The following RGS14 variants were observed in gnomAD, a reference collection of about 807,000 sequenced individuals.
RGS14 encodes regulator of G-protein signaling 14.
RGS14 carries 33 observed loss-of-function variants against 63.8 expected under a neutral mutation model. The ratio of observed to expected loss-of-function variants is 0.52; its 90% CI spans 0.39 to 0.69. RGS14 has a LOEUF of 0.69. RGS14 is among the 30% of genes least tolerant of loss of function. RGS14 has a pLI of 0.00. For synonymous variants in RGS14, 296 were observed against 320.9 expected, an observed-to-expected ratio of 0.92 and a Z score of 0.83; for missense variants, 739 against 742.9, an observed-to-expected ratio of 0.99 and a Z score of 0.06.
Position 177,371,520 on chromosome 5 carries a change from G to C in RGS14, c.1429G>C (p.Ala477Pro), listed in dbSNP as rs1482378582. ...TQDKATHPPP[A>P]SPSSLVKVPS... ...GGATAAGGCCACCCATCCCCCTCCA[G>C]CGTCCCCCAGTTCTCTGGTGAAGGT... The change falls in exon 14 of 15, where the codon GCG becomes CCG. Residue 477 changes from alanine to proline, a missense_variant. Ala to Pro is a conservative substitution (Grantham distance 27). Transcript: ENST00000408923. This position sits in a 1 kb window ranked among gnomAD's most constrained non-coding sequence, Gnocchi z 6.1. The C allele has an allele frequency of 3.1e-6, 5 of 1,613,956 alleles. No homozygotes were observed. The highest frequency in any genetic ancestry group is 1.7e-5 in the Admixed American group (1 of 59,988).
Position 177,366,916 on chromosome 5 carries a change from A to G in RGS14, c.365A>G (p.Tyr122Cys). 6.2e-7 allele frequency: 1 copy of G among 1,613,774 alleles called. No individual in the cohort carries two copies. The highest frequency in any genetic ancestry group is 8.5e-7 in the Non-Finnish European group (1 of 1,179,844). ...QQLAQEARNI[Y>C]QEFLSSQALS... ...CTAGCTCAGGAGGCCCGCAACATCTACCAGGAGTTCCTGTCCAGCCAGGCG... is the reference window on the plus strand; with the variant it reads ...CTAGCTCAGGAGGCCCGCAACATCTGCCAGGAGTTCCTGTCCAGCCAGGCG... Residue 122 changes from tyrosine (Y) to cysteine (C), a missense_variant, in exon 5 of 15, where the codon TAC (tyrosine) becomes TGC (cysteine). By Grantham distance (194) the Tyr-to-Cys change is radical. Transcript: ENST00000408923.
chr5:177,366,935 C>T lies in RGS14; in HGVS notation c.384C>T (p.Ser128=). ...ACATCTACCAGGAGTTCCTGTCCAG[C>T]CAGGCGCTGAGCCCAGTGAACATCG... ...ARNIYQEFLS[S]QALSPVNIDR... Residue 128 remains serine (S), a synonymous_variant, in exon 5 of 15, where the codon AGC becomes AGT. Transcript: ENST00000408923. 6.2e-7 allele frequency: 1 copy of T among 1,613,996 alleles called. No individual in the cohort carries two copies. The highest frequency in any genetic ancestry group is 8.5e-7 in the Non-Finnish European group (1 of 1,179,932).
At position 177,366,722 on chromosome 5, in the gene RGS14, GGA is replaced by G. The variant is rs774203874; in HGVS notation, c.263_264del (p.Glu88ValfsTer117). 1 of 1,614,158 alleles carries G rather than the reference GGA, an allele frequency of 6.2e-7. No homozygotes were observed. Among genetic ancestry groups the G allele is most frequent in the Non-Finnish European group, 8.5e-7 (1 of 1,180,024 alleles). Reference sequence around the variant, plus strand: ...TCCCCTCCCAGGAGTTCCTGAAGAAGGAGTTCAGCGCGGAAAACGTGACTTTC... The same window carrying G: ...TCCCCTCCCAGGAGTTCCTGAAGAAGGTTCAGCGCGGAAAACGTGACTTTC... ...LAYFTEFLKKEFSAENVTFWK... is the reference protein window; with the variant it reads ...LAYFTEFLKKXFSAENVTFWK... On this transcript the variant is annotated frameshift_variant, in exon 4 of 15. Transcript: ENST00000408923. LOFTEE classifies it high-confidence loss of function.
At chr5:177,369,545 G>A (rs1345584134) in intron 9 of RGS14, among the ~76,000 whole-genome samples, 1 of 152,214 alleles carries the variant, frequency 6.6e-6, no homozygotes, top group Non-Finnish European at 1.5e-5. Context: ...CAAGCAGGGA[G>A]TGATCAGGGA....
rs1762235132 is a variant in RGS14, at chr5:177,371,053, CG to C, written c.1254+26del. 9.6e-7 allele frequency: 1 copy of C among 1,040,292 alleles called. No individual in the cohort carries two copies. The highest frequency in any genetic ancestry group is 1.2e-6 in the Non-Finnish European group (1 of 853,744). 64.4% of individuals were successfully genotyped at this position (1,040,292 alleles called of 1,614,324 possible). ...CCGGGTGAGCTTCCGGGCCGCGGGG[CG>C]GGGCGGGGCGGGGCCGGGCCGGGGC... On this transcript the variant is annotated intron_variant, in intron 11 of 14. Transcript: ENST00000408923. This position sits in a 1 kb window ranked among gnomAD's most constrained non-coding sequence, Gnocchi z 6.1.
intron 9 of RGS14, among the ~76,000 whole-genome samples, chr5:177,369,517 C>T (rs530523052): frequency 6.6e-6 from 1 of 152,236 alleles, no homozygotes; most frequent in South Asian, 2.1e-4. Context: ...CCTCCTGGCC[C>T]ACAGGCTGAA....
At position 177,372,430 on chromosome 5, in the gene RGS14, C is replaced by T. The variant is rs1762296343; in HGVS notation, c.*355C>T. ...ACAGGGGCAAGAGGAGGGGCCGGCC[C>T]CTCCTCAGGAAGCTGGTATGAGTAA... On this transcript the variant is annotated 3_prime_UTR_variant, in exon 15 of 15. Coordinates refer to ENST00000408923, the MANE Select transcript of RGS14 (RefSeq NM_006480.5). 1.2e-5 allele frequency: 3 copies of T among 258,294 alleles called. No individual in the cohort carries two copies. The highest frequency in any genetic ancestry group is 2.2e-5 in the African/African-American group (1 of 44,940). 16.0% of individuals were successfully genotyped at this position (258,294 alleles called of 1,614,324 possible). A position where few individuals can be genotyped will look rare whatever the true frequency, so the allele number is the denominator to read the frequency against.
rs779557802 is a variant in RGS14, at chr5:177,370,879, C to T, written c.1128-26C>T. The T allele has an allele frequency of 4.2e-5, 67 of 1,586,956 alleles. No individual in the cohort carries two copies. In the African/African-American group the frequency reaches 8.7e-4, roughly 21 times the overall value. The stretch of plus-strand genomic sequence containing the variant: ...TTGGCGGGGGGCCGGCCCTCCGGCC[C>T]TCTGCTGCCCGAGGGTTCCTCGCAG... On this transcript the variant is annotated intron_variant, in intron 10 of 14. Coordinates refer to ENST00000408923, the MANE Select transcript of RGS14 (RefSeq NM_006480.5).
rs1484516268 is a variant in RGS14, at chr5:177,371,593, CA to C, written c.1498+5del. On this transcript the variant is annotated splice_donor_5th_base_variant and intron_variant, in intron 14 of 14. Coordinates refer to ENST00000408923, the MANE Select transcript of RGS14 (RefSeq NM_006480.5). The surrounding 1 kb of genome is among the most constrained non-coding windows in gnomAD (Gnocchi z 6.1). Reference sequence around the variant, plus strand: ...CGGCAGACCTGTGACATCGAAGGTACATGGTGGATGAGCTGGGGATCAGAAA... The same window carrying C: ...CGGCAGACCTGTGACATCGAAGGTACTGGTGGATGAGCTGGGGATCAGAAA... The C allele has an allele frequency of 6.2e-6, 10 of 1,611,486 alleles. No individual in the cohort carries two copies. Among genetic ancestry groups the C allele is most frequent in the Non-Finnish European group, 8.5e-6 (10 of 1,177,638 alleles).
rs767080128 is a variant in RGS14, at chr5:177,368,929, G to A, written c.1053+9G>A. 32 of 1,613,346 alleles carry A rather than the reference G, an allele frequency of 2.0e-5. No individual in the cohort carries two copies. The highest frequency in any genetic ancestry group is 1.3e-4 in the South Asian group (12 of 91,064). ...TGGTGGGCAATGAACAGGTGGGAAC[G>A]TGACCTGGCTCCAACTCTAACCTCC... is the stretch of plus-strand genomic sequence containing the variant. On this transcript the variant is annotated intron_variant, in intron 9 of 14. Coordinates refer to ENST00000408923, the MANE Select transcript of RGS14 (RefSeq NM_006480.5).
intron 1 of RGS14, 51 bp from the exon 2 acceptor site, chr5:177,365,912 C>G (rs769270593): frequency 2.1e-5 from 34 of 1,603,490 alleles, no homozygotes; most frequent in Middle Eastern, 1.7e-4. Flanking sequence ...GAACTGTCCC[C>G]TGGGAATCCT....
In RGS14 at chr5:177,370,710, C is replaced by T. The variant is rs775105804; in HGVS notation, c.1127+46C>T. ...TCTGGGTCCCAGGTCCTGACGCTCCCTTCAGGCCCTGTTCTAGCTACCTGG... is the reference window on the plus strand; with the variant it reads ...TCTGGGTCCCAGGTCCTGACGCTCCTTTCAGGCCCTGTTCTAGCTACCTGG... On this transcript the variant is annotated intron_variant, in intron 10 of 14. Transcript: ENST00000408923. 3.8e-5 allele frequency: 61 copies of T among 1,600,262 alleles called. 1 individual carries two copies. The South Asian group carries it at 5.8e-4, about 15-fold the overall frequency.
rs146353124 is a variant in RGS14, at chr5:177,359,421, G to C, written c.45+1352G>C. On this transcript the variant is annotated intron_variant, in intron 1 of 14. Coordinates refer to ENST00000408923, the MANE Select transcript of RGS14 (RefSeq NM_006480.5). The surrounding 1 kb of genome is among the most constrained non-coding windows in gnomAD (Gnocchi z 4.4). ...GCGACCGGGCCAGGAAGCCAAGGAG[G>C]CTAACCCCAGGCCCACCCTGGGAGG... is the stretch of plus-strand genomic sequence containing the variant. Among the ~76,000 whole-genome samples the C allele has an allele frequency of 1.1e-3, 173 of 152,322 alleles. 3 individuals are homozygous for C. Among genetic ancestry groups the C allele is most frequent in the African/African-American group, 4.0e-3 (167 of 41,566 alleles).
At chr5:177,366,594 C>T in intron 3 of RGS14, 114 bp from the exon 4 acceptor site, 1 of 974,462 alleles carries the variant, frequency 1.0e-6, no homozygotes, top group South Asian at 1.4e-5. Flanking sequence ...CTGGCCCTGT[C>T]TGTCTGGCTT....
At position 177,358,063 on chromosome 5, in the gene RGS14, G is replaced by A. The variant is rs1168691579; in HGVS notation, c.39G>A (p.Gly13=). The change falls in exon 1 of 15, where the codon GGG becomes GGA. Residue 13 remains glycine, a synonymous_variant. Coordinates refer to ENST00000408923, the MANE Select transcript of RGS14 (RefSeq NM_006480.5). The surrounding 1 kb of genome is among the most constrained non-coding windows in gnomAD (Gnocchi z 4.8). ...CCAAGCACCTGGGCGTCCCCAACGGGCGCATGGTGAGTGTGGGCTCCGGGC... is the reference window on the plus strand; with the variant it reads ...CCAAGCACCTGGGCGTCCCCAACGGACGCATGGTGAGTGTGGGCTCCGGGC... ...GKPKHLGVPN[G]RMVLAVSDGE... 7.4e-7 allele frequency: 1 copy of A among 1,357,980 alleles called. No individual in the cohort carries two copies. The highest frequency in any genetic ancestry group is 9.6e-7 in the Non-Finnish European group (1 of 1,045,214). The allele number at this position is 1,357,980 out of a possible 1,614,324, so 84.1% of individuals were successfully genotyped here.
rs556976168 is a variant in RGS14 at position 177,368,835 on chromosome 5, C to G, written c.968C>G (p.Thr323Ser). The change falls in exon 9 of 15, where the codon ACC becomes AGC. Residue 323 changes from threonine to serine, a missense_variant. Thr to Ser is a moderately conservative substitution (Grantham distance 58). Transcript: ENST00000408923. ...ASLALARPGL[T>S]IRDMLAGICE... ...TTGGCCCTGGCCAGACCTGGCCTCA[C>G]CATCCGAGACATGCTGGCAGGGATC... 2 of 1,614,256 alleles carry G rather than the reference C, an allele frequency of 1.2e-6. No homozygotes were observed. Among genetic ancestry groups the G allele is most frequent in the African/African-American group, 2.7e-5 (2 of 75,068 alleles).
Position 177,357,976 on chromosome 5 carries a change from T to C in RGS14, c.-49T>C, listed in dbSNP as rs758226794. On this transcript the variant is annotated 5_prime_UTR_variant, in exon 1 of 15. Transcript: ENST00000408923. ...AAGCTCTGGCCGGCGCTGCCCACAGTCCCCATGGTGGGCAGCCCCCGCGGC... is the reference window on the plus strand; with the variant it reads ...AAGCTCTGGCCGGCGCTGCCCACAGCCCCCATGGTGGGCAGCCCCCGCGGC... The C allele has an allele frequency of 5.3e-6, 7 of 1,325,686 alleles. No homozygotes were observed. In the South Asian group the frequency reaches 1.3e-4, roughly 25 times the overall value. The allele number at this position is 1,325,686 out of a possible 1,614,324, so 82.1% of individuals were successfully genotyped here. A position where few individuals can be genotyped will look rare whatever the true frequency, so the allele number is the denominator to read the frequency against.
chr5:177,371,856 C>T lies in RGS14; in HGVS notation c.1499-17C>T. ...CAGGTCTGCTGGGGGGACCCTCATGCTGTGGCTTGCCTCCAGGCCTGGTGG... is the reference window on the plus strand; with the variant it reads ...CAGGTCTGCTGGGGGGACCCTCATGTTGTGGCTTGCCTCCAGGCCTGGTGG... On this transcript the variant is annotated splice_polypyrimidine_tract_variant and intron_variant, in intron 14 of 14. Coordinates refer to ENST00000408923, the MANE Select transcript of RGS14 (RefSeq NM_006480.5). This position sits in a 1 kb window ranked among gnomAD's most constrained non-coding sequence, Gnocchi z 6.1. 3 of 1,605,858 alleles carry T rather than the reference C, an allele frequency of 1.9e-6. No homozygotes were observed. Among genetic ancestry groups the T allele is most frequent in the Middle Eastern group, 1.7e-4 (1 of 5,906 alleles).
In RGS14 at chr5:177,371,620, G is replaced by A. The variant is rs781647664; in HGVS notation, c.1498+31G>A. 14 of 1,596,956 alleles carry A rather than the reference G, an allele frequency of 8.8e-6. No individual in the cohort carries two copies. Among genetic ancestry groups the A allele is most frequent in the Middle Eastern group, 1.7e-4 (1 of 6,024 alleles). ...TGGTGGATGAGCTGGGGATCAGAAA[G>A]ACTAGGGCAGTGGGGTTGGGGACCA... On this transcript the variant is annotated intron_variant, in intron 14 of 14. Transcript: ENST00000408923. This position sits in a 1 kb window ranked among gnomAD's most constrained non-coding sequence, Gnocchi z 6.1.
Sources: allele counts gnomAD v4.1 joint callset (sites outside exome capture counted in the v4.1 genomes callset), GRCh38; gene constraint gnomAD v4.1.1; non-coding constraint Gnocchi (gnomAD v3.1); transcripts MANE v1.5; gene names NCBI Gene and HGNC (gene_info 2026-07-23, HGNC 2026-07-21).